The following LRRN2 variants were observed in gnomAD, a reference collection of about 807,000 sequenced individuals.
LRRN2 encodes leucine rich repeat neuronal 2.
In LRRN2, 10 loss-of-function variants were observed where a neutral mutation model predicts 35.7. That is an observed-to-expected ratio of 0.28 (90% confidence interval 0.17 to 0.47). LRRN2 has a LOEUF of 0.47. LRRN2 is among the 20% of genes least tolerant of loss of function. The pLI is 0.99. For synonymous variants in LRRN2, 391 were observed against 409.6 expected (o/e 0.95, Z 0.55); for missense variants, 731 against 940.3 (o/e 0.78, Z 2.91).
chr1:204,673,140 A>C (rs1264851793), intron 1 of LRRN2, among the ~76,000 whole-genome samples: 1 of 152,142 alleles, frequency 6.6e-6, no homozygotes, highest in Non-Finnish European at 1.5e-5. Context: ...ATCATAAAAC[A>C]CCAGGAAAGA....
intron 1 of LRRN2, among the ~76,000 whole-genome samples, chr1:204,656,921 T>C (rs1668368656): frequency 6.6e-6 from 1 of 152,224 alleles, no homozygotes; most frequent in African/African-American, 2.4e-5. Context: ...GGAAACAACA[T>C]ATTTTAAGTC....
rs1669048717 is a variant in LRRN2, at chr1:204,685,355, C to A, written c.-262G>T. The stretch of plus-strand genomic sequence containing the variant: ...CCGGGCACCGTCTGCCGTCTGCTGC[C>A]CGCGCGGCCGCGCTCCGCTCGCCTT... On this transcript the variant is annotated 5_prime_UTR_variant, in exon 1 of 2. Transcript: ENST00000367177. 3 of 151,668 alleles carry A rather than the reference C, an allele frequency of 2.0e-5. No homozygotes were observed. The South Asian group carries it at 6.2e-4, about 31-fold the overall frequency. 9.4% of individuals were successfully genotyped at this position (151,668 alleles called of 1,614,324 possible).
chr1:204,637,717 G>A (rs1412997867), intron 1 of LRRN2, among the ~76,000 whole-genome samples: 1 of 42,672 alleles, frequency 2.3e-5, no homozygotes, highest in Non-Finnish European at 5.8e-5. Context: ...CTGAGAGGGT[G>A]GTAGAGAGGA....
At chr1:204,652,221 T>G (rs1668243106) in intron 1 of LRRN2, among the ~76,000 whole-genome samples, 2 of 145,464 alleles carry the variant, frequency 1.4e-5, no homozygotes, top group Admixed American at 6.8e-5. Flanking sequence ...CATGGGACCC[T>G]TCCCCCTCCT....
At position 204,620,220 on chromosome 1, in the gene LRRN2, T is replaced by C; in HGVS notation, c.-226-2A>G. ...TGCCAGGCCCCATCAGGGGCAGCCC[T>C]GGAAGAAGAGGATGCAGAGTTAAGG... On this transcript the variant is annotated splice_acceptor_variant, in intron 1 of 1. Transcript: ENST00000367177. LOFTEE classifies it low-confidence loss of function (5UTR_SPLICE). The C allele has an allele frequency of 7.0e-7, 1 of 1,437,632 alleles. No individual in the cohort carries two copies. Among genetic ancestry groups the C allele is most frequent in the Non-Finnish European group, 9.1e-7 (1 of 1,094,044 alleles). 89.1% of individuals were successfully genotyped at this position (1,437,632 alleles called of 1,614,324 possible). A position where few individuals can be genotyped will look rare whatever the true frequency, so the allele number is the denominator to read the frequency against.
chr1:204,678,164 T>G (rs1458090404), intron 1 of LRRN2, among the ~76,000 whole-genome samples: 1 of 152,224 alleles, frequency 6.6e-6, no homozygotes, highest in Non-Finnish European at 1.5e-5. Context: ...AGTTTAGCAC[T>G]CGGTTTTAAA....
At chr1:204,656,081 T>G (rs539862375) in intron 1 of LRRN2, among the ~76,000 whole-genome samples, 2 of 124,516 alleles carry the variant, frequency 1.6e-5, no homozygotes, top group Non-Finnish European at 1.9e-5. Flanking sequence ...GGCTAATTTT[T>G]CGTATTTTTA....
rs757518113 is a variant in LRRN2 at position 204,619,848 on chromosome 1, C to T, written c.145G>A (p.Glu49Lys). Residue 49 changes from glutamate to lysine, a missense_variant, in exon 2 of 2, where the codon GAG becomes AAG. Transcript: ENST00000367177. ...TCATTGCAGTCCACAGTGGTAGCCT[C>T]GCGGTAGGACGAGCGGGGCGTATAC... The part of the protein sequence containing the change: ...PWYTPRSSYR[E>K]ATTVDCNDLF... 5.0e-6 allele frequency: 8 copies of T among 1,613,646 alleles called. No homozygotes were observed. Among genetic ancestry groups the T allele is most frequent in the South Asian group, 2.2e-5 (2 of 91,022 alleles).
At chr1:204,646,177 G>C (rs1420739778) in intron 1 of LRRN2, among the ~76,000 whole-genome samples, 5 of 152,136 alleles carry the variant, frequency 3.3e-5, no homozygotes, top group Admixed American at 3.3e-4. Flanking sequence ...TCCAGACACA[G>C]GTGAAATGGG....
rs1666446006 is a variant in LRRN2 at position 204,617,715 on chromosome 1, C to A, written c.*136G>T. On this transcript the variant is annotated 3_prime_UTR_variant, in exon 2 of 2. Coordinates refer to ENST00000367177, the MANE Select transcript of LRRN2 (RefSeq NM_201630.2). The stretch of plus-strand genomic sequence containing the variant: ...CACCCCCAGGGCCACAAAGCCCCAT[C>A]TGTCTTGGCCCAGCTGCCAGGCCTC... 1.0e-6 allele frequency: 1 copy of A among 993,464 alleles called. No homozygotes were observed. The highest frequency in any genetic ancestry group is 2.1e-5 in the Admixed American group (1 of 47,252). 61.5% of individuals were successfully genotyped at this position (993,464 alleles called of 1,614,324 possible).
At chr1:204,674,521 C>G (rs1558423473) in intron 1 of LRRN2, among the ~76,000 whole-genome samples, 1 of 152,224 alleles carries the variant, frequency 6.6e-6, no homozygotes, top group Non-Finnish European at 1.5e-5. Flanking sequence ...GGTATACGCA[C>G]TACTGGGGCA....
intron 1 of LRRN2, among the ~76,000 whole-genome samples, chr1:204,656,130 C>T (rs1337169184): frequency 2.0e-5 from 3 of 151,892 alleles, no homozygotes; most frequent in Admixed American, 1.3e-4. Context: ...AGGATGGTCT[C>T]GATCTCCTGA....
intron 1 of LRRN2, among the ~76,000 whole-genome samples, chr1:204,667,297 C>G (rs1179699978): frequency 6.6e-6 from 1 of 152,150 alleles, no homozygotes; most frequent in Non-Finnish European, 1.5e-5. Context: ...GATGTTGGCA[C>G]TGGGGGATGC....
At chr1:204,676,397 C>A (rs1482154059) in intron 1 of LRRN2, among the ~76,000 whole-genome samples, 1 of 152,104 alleles carries the variant, frequency 6.6e-6, no homozygotes, top group Admixed American at 6.5e-5. Flanking sequence ...CTGCTAGCAA[C>A]TTTCCAGGCC....
intron 1 of LRRN2, among the ~76,000 whole-genome samples, chr1:204,662,690 A>C (rs1358175904): frequency 6.6e-6 from 1 of 152,252 alleles, no homozygotes; most frequent in Non-Finnish European, 1.5e-5. Context: ...TCAGGTAAAG[A>C]ACAACTTGTC....
intron 1 of LRRN2, among the ~76,000 whole-genome samples, chr1:204,654,080 T>C (rs1232835462): frequency 2.0e-5 from 3 of 149,296 alleles, no homozygotes; most frequent in Non-Finnish European, 4.4e-5. Flanking sequence ...GTAACCTGCC[T>C]GGGGTCAAAC....
At chr1:204,670,441 C>T (rs1668682885) in intron 1 of LRRN2, among the ~76,000 whole-genome samples, 1 of 152,140 alleles carries the variant, frequency 6.6e-6, no homozygotes, top group South Asian at 2.1e-4. Context: ...TTGAGACATC[C>T]AGCTTAGTCA....
intron 1 of LRRN2, among the ~76,000 whole-genome samples, chr1:204,680,931 A>G (rs190799706): frequency 3.5e-4 from 53 of 151,184 alleles, no homozygotes; most frequent in African/African-American, 1.3e-3. Context: ...ACCCTTTCCT[A>G]ATCCGCAAAC....
Position 204,617,866 on chromosome 1 carries a change from C to A in LRRN2, c.2127G>T (p.Leu709Phe). The A allele has an allele frequency of 6.2e-7, 1 of 1,614,068 alleles. No homozygotes were observed. Among genetic ancestry groups the A allele is most frequent in the Non-Finnish European group, 8.5e-7 (1 of 1,179,960 alleles). Residue 709 changes from leucine to phenylalanine, a missense_variant, in exon 2 of 2, where the codon TTG becomes TTT. By Grantham distance (22) the Leu-to-Phe change is conservative. This residue lies in a region of LRRN2 where 229 missense variants were observed against 258.4 expected (regional missense o/e 0.89). Transcript: ENST00000367177. ...SSEGETLLPP[L>F]SQNS ...AGGCTGAGCTTCAAGAATTTTGAGA[C>A]AATGGTGGCAACAGTGTCTCCCCTT...
Sources: gnomAD v4.1 joint callset for allele counts (sites outside exome capture counted in the v4.1 genomes callset) on GRCh38, gnomAD v4.1.1 for gene constraint, gnomAD v4.1.1 regional missense constraint, MANE v1.5 for transcripts, NCBI Gene and HGNC (gene_info 2026-07-23, HGNC 2026-07-21) for gene names.